The following FTO variants were observed in gnomAD, a reference collection of about 807,000 sequenced individuals.
FTO encodes the protein alpha-ketoglutarate-dependent dioxygenase FTO.
FTO carries 47 observed loss-of-function variants against 63.9 expected under a neutral mutation model. The ratio of observed to expected loss-of-function variants is 0.74; its 90% confidence interval spans 0.58 to 0.94. The LOEUF (loss-of-function observed/expected upper bound fraction) is 0.94. FTO is among the 40% of genes least tolerant of loss of function. The pLI, the probability that FTO is intolerant of heterozygous loss-of-function variation, is 0.00. For missense variants in FTO, 562 were observed against 618.1 expected (o/e 0.91, Z 0.96); for synonymous variants, 207 against 224.4 (o/e 0.92, Z 0.69).
Position 54,111,821 on chromosome 16 carries a change from A to T in FTO, c.1424A>T (p.Tyr475Phe). The T allele has an allele frequency of 1.2e-6, 2 of 1,614,078 alleles. No homozygotes were observed. The highest frequency in any genetic ancestry group is 1.7e-6 in the Non-Finnish European group (2 of 1,179,954). Reference protein sequence around the residue: ...PADQKPECRPYWEKDDASMPL... With the variant: ...PADQKPECRPFWEKDDASMPL... ...GATCAGAAGCCAGAATGTCGGCCAT[A>T]CTGGGAAAAGGATGATGCTTCGATG... The change falls in exon 9 of 9, where the codon TAC (tyrosine) becomes TTC (phenylalanine). Residue 475 changes from tyrosine (Y) to phenylalanine (F), a missense_variant. By Grantham distance (22) the Tyr-to-Phe change is conservative (BLOSUM62 3). Transcript: ENST00000471389.
intron 1 of FTO, among the ~76,000 whole-genome samples, chr16:53,756,361 G>C (rs533998137): frequency 1.3e-5 from 2 of 152,152 alleles, no homozygotes; most frequent in East Asian, 3.9e-4. Context: ...CTAGGGATTC[G>C]ATTTCACCTG....
At chr16:53,707,381 G>C (rs904059326) in intron 1 of FTO, among the ~76,000 whole-genome samples, 16 of 152,118 alleles carry the variant, frequency 1.1e-4, no homozygotes, top group African/African-American at 3.6e-4. Context: ...ATTAGGACCC[G>C]TCCTAAATCC....
intron 8 of FTO, among the ~76,000 whole-genome samples, chr16:54,076,417 G>A (rs973822293): frequency 2.6e-5 from 4 of 152,038 alleles, no homozygotes; most frequent in Non-Finnish European, 4.4e-5. Flanking sequence ...ATGCAGAAAT[G>A]GGCAACATTT....
At chr16:53,987,970 C>T (rs1341742073) in intron 8 of FTO, among the ~76,000 whole-genome samples, 1 of 152,222 alleles carries the variant, frequency 6.6e-6, no homozygotes, top group African/African-American at 2.4e-5. Flanking sequence ...GATACCCCCA[C>T]ATTTTTGTGT....
chr16:54,081,411 C>T (rs1421389192), intron 8 of FTO, among the ~76,000 whole-genome samples: 2 of 152,182 alleles, frequency 1.3e-5, no homozygotes, highest in Non-Finnish European at 1.5e-5. Flanking sequence ...CAGGTATTGG[C>T]ATTACACTCA....
intron 1 of FTO, among the ~76,000 whole-genome samples, chr16:53,775,219 A>T (rs2077433759): frequency 1.3e-5 from 2 of 152,034 alleles, no homozygotes; most frequent in South Asian, 4.1e-4. Context: ...CTCATATTGC[A>T]TTTTCTGTCC....
intron 7 of FTO, among the ~76,000 whole-genome samples, chr16:53,930,950 T>A (rs2082266598): frequency 6.6e-6 from 1 of 152,250 alleles, no homozygotes; most frequent in East Asian, 1.9e-4. Flanking sequence ...AAGTCCCTTC[T>A]TTATTCACTG....
At chr16:53,730,568 C>T (rs966918474) in intron 1 of FTO, among the ~76,000 whole-genome samples, 1 of 151,872 alleles carries the variant, frequency 6.6e-6, no homozygotes, top group Non-Finnish European at 1.5e-5. Context: ...GATCATGGCT[C>T]ACTGCAGCCT....
intron 8 of FTO, chr16:53,937,374 T>G (rs1447215562): frequency 7.5e-6 from 3 of 397,506 alleles, no homozygotes; most frequent in Admixed American, 4.4e-5. Flanking sequence ...ATGGACAGCT[T>G]GTTATAGCTT....
intron 1 of FTO, among the ~76,000 whole-genome samples, chr16:53,715,682 A>C (rs1425446899): frequency 6.6e-6 from 1 of 152,206 alleles, no homozygotes; most frequent in Non-Finnish European, 1.5e-5. Context: ...AGACCCATTA[A>C]AAACTGATTT....
At chr16:53,802,967 A>G (rs1413528244) in intron 1 of FTO, among the ~76,000 whole-genome samples, 2 of 152,178 alleles carry the variant, frequency 1.3e-5, no homozygotes, top group Non-Finnish European at 2.9e-5. Flanking sequence ...AACTATAGCT[A>G]TACTTACTGT....
chr16:53,763,540 G>A (rs60386982), intron 1 of FTO, among the ~76,000 whole-genome samples: 16,014 of 152,082 alleles, frequency 0.11, 1,031 homozygotes, highest in African/African-American at 0.16. Flanking sequence ...GGTTTTAGAG[G>A]CTTTAGTCTC....
intron 1 of FTO, among the ~76,000 whole-genome samples, chr16:53,756,091 T>C (rs1481614036): frequency 2.0e-5 from 3 of 152,216 alleles, no homozygotes; most frequent in African/African-American, 7.2e-5. Flanking sequence ...CCTTTCCCCT[T>C]CTTTCAACTC....
At chr16:53,846,048 G>T (rs1451793964) in intron 4 of FTO, among the ~76,000 whole-genome samples, 8 of 152,212 alleles carry the variant, frequency 5.3e-5, no homozygotes, top group Admixed American at 1.3e-4. Flanking sequence ...TGAGGGAGAT[G>T]GCAGAGATTG....
Position 53,844,145 on chromosome 16 carries a change from CTT to C in FTO, c.752-7_752-6del. 1.2e-6 allele frequency: 2 copies of C among 1,611,814 alleles called. No homozygotes were observed. The highest frequency in any genetic ancestry group is 4.5e-5 in the East Asian group (2 of 44,830). Reference sequence around the variant, plus strand: ...ATTTCCTTTCTGATCATTTTCTTCTCTTTTGGCAGGCCCTGAAGAGGAAAGTG... The same window carrying C: ...ATTTCCTTTCTGATCATTTTCTTCTCTTGGCAGGCCCTGAAGAGGAAAGTG... On this transcript the variant is annotated splice_polypyrimidine_tract_variant and splice_region_variant and intron_variant, in intron 3 of 8. Coordinates refer to ENST00000471389, the MANE Select transcript of FTO (RefSeq NM_001080432.3).
intron 8 of FTO, among the ~76,000 whole-genome samples, chr16:53,983,250 T>G (rs1229551671): frequency 6.6e-6 from 1 of 152,078 alleles, no homozygotes; most frequent in East Asian, 1.9e-4. Flanking sequence ...AAACTTAATT[T>G]TGGAGGAATA....
intron 8 of FTO, among the ~76,000 whole-genome samples, chr16:54,010,431 A>G (rs1311270737): frequency 6.6e-6 from 1 of 152,118 alleles, no homozygotes; most frequent in African/African-American, 2.4e-5. Context: ...AAACAAACAA[A>G]CAAAAAATGC....
At chr16:53,757,045 C>T (rs1180714149) in intron 1 of FTO, among the ~76,000 whole-genome samples, 1 of 151,922 alleles carries the variant, frequency 6.6e-6, no homozygotes, top group Non-Finnish European at 1.5e-5. Context: ...TGAGTGAAGT[C>T]TGTGTTTTCA....
At chr16:53,960,506 C>T (rs962386800) in intron 8 of FTO, among the ~76,000 whole-genome samples, 2 of 152,182 alleles carry the variant, frequency 1.3e-5, no homozygotes, top group African/African-American at 4.8e-5. Flanking sequence ...TGCTTACAGA[C>T]ACAGTGTCAG....
Sources: allele counts gnomAD v4.1 joint callset (sites outside exome capture counted in the v4.1 genomes callset), GRCh38; gene constraint gnomAD v4.1.1; transcripts MANE v1.5; gene names NCBI Gene and HGNC (gene_info 2026-07-23, HGNC 2026-07-21).